Variants in KIFAP3 observed in about 807,000 individuals in gnomAD.
KIFAP3 encodes the protein kinesin associated protein 3.
Under a neutral mutation model 106.5 loss-of-function variants are expected in KIFAP3, and 68 were observed. That is an observed-to-expected ratio of 0.64 (90% CI 0.53 to 0.78). The LOEUF is 0.78. KIFAP3 is among the 30% of genes least tolerant of loss of function. The pLI is 0.00. For missense variants in KIFAP3, 780 were observed against 941.8 expected, an observed-to-expected ratio of 0.83 and a Z score of 2.25; for synonymous variants, 320 against 311.5, an observed-to-expected ratio of 1.03 and a Z score of -0.29.
intron 10 of KIFAP3, among the ~76,000 whole-genome samples, chr1:170,003,892 T>C (rs906452328): frequency 3.3e-5 from 5 of 152,174 alleles, no homozygotes; most frequent in East Asian, 1.9e-4. Flanking sequence ...ATAAAGGGCA[T>C]TCAATTAGGA....
intron 5 of KIFAP3, among the ~76,000 whole-genome samples, chr1:170,037,356 G>A (rs1357538678): frequency 6.6e-6 from 1 of 152,172 alleles, no homozygotes; most frequent in Non-Finnish European, 1.5e-5. Context: ...TCTCTCTCAT[G>A]TAATGCAAAC....
intron 8 of KIFAP3, among the ~76,000 whole-genome samples, chr1:170,025,992 C>A (rs981669619): frequency 6.6e-6 from 1 of 151,910 alleles, no homozygotes; most frequent in African/African-American, 2.4e-5. Context: ...TAAGGTGGAC[C>A]GTGAATCCAA....
intron 17 of KIFAP3, among the ~76,000 whole-genome samples, chr1:169,972,228 C>T (rs1665960198): frequency 6.6e-6 from 1 of 151,986 alleles, no homozygotes; most frequent in Admixed American, 6.6e-5. Context: ...CAACACCCCA[C>T]TCCTATACAA....
upstream of KIFAP3, among the ~76,000 whole-genome samples, chr1:170,077,263 G>C (rs556324888): frequency 1.3e-5 from 2 of 152,376 alleles, no homozygotes; most frequent in East Asian, 1.9e-4. Context: ...ATTTTGTAAA[G>C]TTGAATAGGC....
chr1:169,982,596 C>CA (rs2101910742), intron 14 of KIFAP3, 106 bp downstream of exon 14: 2 of 694,754 alleles, frequency 2.9e-6, no homozygotes, highest in East Asian at 5.9e-5. Flanking sequence ...GAAGAAATGG[C>CA]TTTTCCTAAC....
At chr1:170,021,381 C>T (rs1046657016) in intron 9 of KIFAP3, among the ~76,000 whole-genome samples, 1 of 148,098 alleles carries the variant, frequency 6.8e-6, no homozygotes, top group African/African-American at 2.5e-5. Flanking sequence ...TATGCATACA[C>T]TGGTTGTTAC....
At chr1:169,987,309 T>C (rs546894) in intron 11 of KIFAP3, among the ~76,000 whole-genome samples, 36,038 of 151,952 alleles carry the variant, frequency 0.24, 4,717 homozygotes, top group Non-Finnish European at 0.3. Context: ...GAGGCAATAG[T>C]GTTCAATCAG....
intron 7 of KIFAP3, among the ~76,000 whole-genome samples, chr1:170,033,163 C>A (rs964895582): frequency 7.3e-5 from 11 of 151,580 alleles, no homozygotes; most frequent in Non-Finnish European, 1.3e-4. Flanking sequence ...TTATGGTATG[C>A]ATAGAAAATT....
chr1:169,973,122 T>TATATAA (rs1337198179), intron 16 of KIFAP3, among the ~76,000 whole-genome samples: 2 of 138,586 alleles, frequency 1.4e-5, no homozygotes, highest in African/African-American at 5.5e-5. Flanking sequence ...TATATATATA[T>TATATAA]AAACAACACA....
intron 10 of KIFAP3, among the ~76,000 whole-genome samples, chr1:170,015,007 TC>T (rs1668434376): frequency 6.6e-6 from 1 of 152,136 alleles, no homozygotes; most frequent in Non-Finnish European, 1.5e-5. Flanking sequence ...CAGTCACAGT[TC>T]TAATAAAACA....
chr1:170,062,120 A>T (rs1671193396), intron 1 of KIFAP3, among the ~76,000 whole-genome samples: 1 of 152,010 alleles, frequency 6.6e-6, no homozygotes, highest in Non-Finnish European at 1.5e-5. Context: ...TATGTAACAA[A>T]CCTGCACGTT....
chr1:169,950,487 TTCCCTGATTTAAAGGAAAAAC>T (rs1406840046), intron 19 of KIFAP3, among the ~76,000 whole-genome samples: 3 of 152,118 alleles, frequency 2.0e-5, no homozygotes, highest in Admixed American at 6.6e-5. Context: ...TCTGGACCAT[TTCCCTGATTTAAAGGAAAAAC>T]ACCCAACAAC....
At chr1:170,041,709 G>A (rs1313016208) in intron 3 of KIFAP3, 1 of 1,535,276 alleles carries the variant, frequency 6.5e-7, no homozygotes, top group Admixed American at 2.0e-5. Flanking sequence ...TACAGAAACA[G>A]TTTCTGAATC....
chr1:169,984,194 G>A (rs899484398), intron 12 of KIFAP3, among the ~76,000 whole-genome samples: 4 of 151,532 alleles, frequency 2.6e-5, no homozygotes, highest in East Asian at 1.9e-4. Context: ...AAAAACTATC[G>A]GGCAGACTCT....
intron 16 of KIFAP3, among the ~76,000 whole-genome samples, chr1:169,975,110 A>G (rs1300435156): frequency 6.6e-6 from 1 of 152,074 alleles, no homozygotes; most frequent in East Asian, 1.9e-4. Context: ...TCTCTATTAG[A>G]ACTTTTTTTG....
At chr1:170,024,258 A>C (rs1047207193) in intron 9 of KIFAP3, 160 bp downstream of exon 9, 15 of 481,980 alleles carry the variant, frequency 3.1e-5, no homozygotes, top group African/African-American at 4.0e-5. Context: ...CTAATATGGA[A>C]TACATTTCTT....
chr1:169,998,430 A>ACC, intron 10 of KIFAP3, among the ~76,000 whole-genome samples: 1 of 150,770 alleles, frequency 6.6e-6, no homozygotes, highest in Non-Finnish European at 1.5e-5. Context: ...ACACACACAC[A>ACC]CACACACCAC....
At chr1:169,934,918 A>T (rs1268031356) in intron 19 of KIFAP3, among the ~76,000 whole-genome samples, 6 of 152,140 alleles carry the variant, frequency 3.9e-5, no homozygotes, top group Non-Finnish European at 7.4e-5. Context: ...CAACTGCATA[A>T]AATTGTAATA....
chr1:169,938,855 C>G (rs1230916255), intron 19 of KIFAP3, among the ~76,000 whole-genome samples: 1 of 152,072 alleles, frequency 6.6e-6, no homozygotes, highest in Non-Finnish European at 1.5e-5. Context: ...AAAGACTATT[C>G]CAGTTAAGCA....
Sources: allele counts gnomAD v4.1 joint callset (sites outside exome capture counted in the v4.1 genomes callset), GRCh38; gene constraint gnomAD v4.1.1; transcripts MANE v1.5; gene names NCBI Gene and HGNC (gene_info 2026-07-23, HGNC 2026-07-21).